REPS2: variants seen among roughly 807,000 people sequenced by gnomAD.
REPS2 encodes the protein ralBP1-associated Eps domain-containing protein 2.
A neutral mutation model predicts 53.6 loss-of-function variants in REPS2; 23 were observed. That is an observed-to-expected ratio of 0.43 (90% CI 0.31 to 0.61). REPS2 has a LOEUF of 0.61. REPS2 is among the 20% of genes least tolerant of loss of function. REPS2 has a pLI of 0.11. For synonymous variants in REPS2, 238 were observed against 218.6 expected, an observed-to-expected ratio of 1.09 and a Z score of -0.78; for missense variants, 446 against 534.9, an observed-to-expected ratio of 0.83 and a Z score of 1.64.
At chrX:17,079,411 C>G (rs775924362) in intron 13 of REPS2, among the ~76,000 whole-genome samples, 2 of 111,787 alleles carry the variant, frequency 1.8e-5, no homozygotes, top group Non-Finnish European at 3.8e-5. Flanking sequence ...ACCCCAGTTG[C>G]CTGCCGTAGT....
chrX:17,139,589 A>G (rs2063416588), intron 17 of REPS2, among the ~76,000 whole-genome samples: 1 of 111,454 alleles, frequency 9.0e-6, no homozygotes, highest in South Asian at 3.9e-4. Flanking sequence ...ATAACCAAAA[A>G]TGATTCTCTC....
intron 13 of REPS2, among the ~76,000 whole-genome samples, chrX:17,101,938 C>T (rs1375837611): frequency 8.9e-6 from 1 of 111,976 alleles, no homozygotes. Context: ...GTATAGTCCT[C>T]TTTTTTGTTA....
At chrX:16,978,906 G>A (rs918528620) in intron 1 of REPS2, among the ~76,000 whole-genome samples, 25 of 111,352 alleles carry the variant, frequency 2.2e-4, no homozygotes, top group African/African-American at 8.2e-4. Context: ...AAATTATGGG[G>A]CATTTAATAA....
intron 2 of REPS2, among the ~76,000 whole-genome samples, chrX:17,020,741 GC>G (rs1171638719): frequency 9.1e-6 from 1 of 110,162 alleles, no homozygotes; most frequent in African/African-American, 3.3e-5. Flanking sequence ...CAATTCTCCT[GC>G]CTCAGCCTCC....
intron 1 of REPS2, among the ~76,000 whole-genome samples, chrX:16,957,174 T>A (rs1447252662): frequency 9.0e-6 from 1 of 111,126 alleles, no homozygotes; most frequent in East Asian, 2.8e-4. Context: ...CTTTGGGAGG[T>A]TGAGGCGGGC....
chrX:17,065,662 T>G (rs1427892706), intron 9 of REPS2, among the ~76,000 whole-genome samples: 16 of 111,628 alleles, frequency 1.4e-4, no homozygotes, highest in African/African-American at 4.9e-4. Context: ...TCTCAGCTCA[T>G]TGCAACCTCT....
the REPS2 span, among the ~76,000 whole-genome samples, chrX:17,181,175 C>T: frequency 3.1e-3 from 346 of 112,602 alleles, no homozygotes; most frequent in Middle Eastern, 0.028. Context: ...CCCTCACCCC[C>T]CTAGGGGGAA....
chrX:17,192,520 CA>C, the REPS2 span, among the ~76,000 whole-genome samples: 1 of 111,613 alleles, frequency 9.0e-6, no homozygotes, highest in Non-Finnish European at 1.9e-5. Flanking sequence ...CACAGATCCA[CA>C]GATGAGAAGG....
At chrX:17,055,676 A>G (rs779474990) in intron 8 of REPS2, among the ~76,000 whole-genome samples, 155 of 107,719 alleles carry the variant, frequency 1.4e-3, no homozygotes, top group Middle Eastern at 9.2e-3. Context: ...TGATGAGTTC[A>G]TGTCCTTTGT....
At chrX:17,166,732 CAT>C in the REPS2 span, among the ~76,000 whole-genome samples, 2 of 111,670 alleles carry the variant, frequency 1.8e-5, no homozygotes, top group Non-Finnish European at 3.8e-5. Context: ...TCTCTACACA[CAT>C]GTGTATGTCC....
intron 1 of REPS2, among the ~76,000 whole-genome samples, chrX:16,969,221 A>T (rs1228457599): frequency 1.8e-5 from 2 of 109,180 alleles, no homozygotes; most frequent in Admixed American, 9.6e-5. Context: ...GGCCAGGCAG[A>T]GACGCTCCTC....
chrX:17,068,336 T>A, intron 9 of REPS2, 66 bp from the exon 10 acceptor site: 1 of 956,615 alleles, frequency 1.0e-6, no homozygotes, highest in East Asian at 3.2e-5. Flanking sequence ...TTTTTTTTCA[T>A]CATATGTGCG....
At chrX:16,954,822 T>C (rs1370772631) in intron 1 of REPS2, among the ~76,000 whole-genome samples, 3 of 94,283 alleles carry the variant, frequency 3.2e-5, no homozygotes, top group Non-Finnish European at 4.3e-5. Flanking sequence ...TTTTTTTTTT[T>C]TTTTTTGAGA....
intron 1 of REPS2, among the ~76,000 whole-genome samples, chrX:16,999,853 C>T (rs1467215125): frequency 3.8e-5 from 4 of 106,134 alleles, no homozygotes; most frequent in African/African-American, 1.0e-4. Flanking sequence ...GAGACCATCC[C>T]GGCTAAAACG....
chrX:17,103,841 G>T (rs745501857), intron 14 of REPS2, 62 bp downstream of exon 14: 48 of 1,045,481 alleles, frequency 4.6e-5, no homozygotes, highest in Non-Finnish European at 5.6e-5. Flanking sequence ...CTATCGCTGT[G>T]CTTCTTTGCA....
chrX:16,989,497 GAC>G (rs755816022), intron 1 of REPS2, among the ~76,000 whole-genome samples: 13 of 111,807 alleles, frequency 1.2e-4, no homozygotes, highest in East Asian at 1.1e-3. Flanking sequence ...AGGATGAAAA[GAC>G]AGACTACAGA....
At chrX:17,192,945 C>G in the REPS2 span, among the ~76,000 whole-genome samples, 1 of 112,419 alleles carries the variant, frequency 8.9e-6, no homozygotes, top group Admixed American at 9.4e-5. Context: ...TCAGATTCAT[C>G]CATGTTGTAC....
chrX:17,051,128 G>C (rs1231545740), intron 6 of REPS2, among the ~76,000 whole-genome samples: 4 of 110,806 alleles, frequency 3.6e-5, no homozygotes. Context: ...TTCTGTGACT[G>C]GCTTATTTCA....
At chrX:16,952,629 C>T (rs1032986478) in intron 1 of REPS2, among the ~76,000 whole-genome samples, 1 of 112,168 alleles carries the variant, frequency 8.9e-6, no homozygotes, top group Admixed American at 9.5e-5. Flanking sequence ...TGAAGGCTCT[C>T]TTCTGATTTT....
Sources: allele counts gnomAD v4.1 joint callset (sites outside exome capture counted in the v4.1 genomes callset), GRCh38; gene constraint gnomAD v4.1.1; transcripts MANE v1.5; gene names NCBI Gene and HGNC (gene_info 2026-07-23, HGNC 2026-07-21).